SLIT2: variants seen among roughly 807,000 people sequenced by gnomAD.
SLIT2 encodes slit homolog 2 protein.
In SLIT2, 41 loss-of-function variants were observed where a neutral mutation model predicts 185.7. The ratio of observed to expected loss-of-function variants is 0.22; its 90% confidence interval spans 0.17 to 0.29. The LOEUF (loss-of-function observed/expected upper bound fraction) is 0.29, where lower values mean the gene tolerates loss of function less well. SLIT2 is among the 10% of genes least tolerant of loss of function. The pLI is 1.00. For missense variants in SLIT2, 1,571 were observed against 1,909.0 expected (o/e 0.82, Z 3.30); for synonymous variants, 693 against 680.2 (o/e 1.02, Z -0.29).
chr4:20,550,950 G>A (rs1411242410), intron 25 of SLIT2, 52 bp downstream of exon 25: 3 of 984,456 alleles, frequency 3.0e-6, no homozygotes, highest in African/African-American at 1.6e-5. Context: ...TTCCTAATGA[G>A]TGACTTGGAA....
intron 4 of SLIT2, among the ~76,000 whole-genome samples, chr4:20,317,448 T>C (rs1718703213): frequency 6.6e-6 from 1 of 152,056 alleles, no homozygotes; most frequent in Non-Finnish European, 1.5e-5. Flanking sequence ...CATTCAATTA[T>C]CTGAAACTTC....
At chr4:20,326,530 T>C (rs1719606075) in intron 4 of SLIT2, among the ~76,000 whole-genome samples, 4 of 151,912 alleles carry the variant, frequency 2.6e-5, no homozygotes, top group African/African-American at 9.7e-5. Flanking sequence ...TTTTTTCTGG[T>C]TCTTGTTGCA....
intron 12 of SLIT2, among the ~76,000 whole-genome samples, chr4:20,521,438 G>A (rs1298515547): frequency 3.9e-5 from 6 of 152,178 alleles, no homozygotes; most frequent in African/African-American, 1.4e-4. Context: ...TTTATTTACT[G>A]TTCCTTGGGC....
chr4:20,458,088 C>CAAAAAAAAAAAAAAAA (rs10672353), intron 4 of SLIT2, among the ~76,000 whole-genome samples: 1 of 112,918 alleles, frequency 8.9e-6, no homozygotes, highest in Non-Finnish European at 1.9e-5. Flanking sequence ...ACACATTATG[C>CAAAAAAAAAAAAAAAA]AAAAAAAAAA....
intron 4 of SLIT2, among the ~76,000 whole-genome samples, chr4:20,418,690 G>C (rs1027332766): frequency 6.6e-6 from 1 of 152,142 alleles, no homozygotes; most frequent in Non-Finnish European, 1.5e-5. Context: ...AGAAGTAACT[G>C]CATATTAGGA....
At chr4:20,276,728 G>A (rs1714203751) in intron 4 of SLIT2, among the ~76,000 whole-genome samples, 1 of 152,154 alleles carries the variant, frequency 6.6e-6, no homozygotes, top group African/African-American at 2.4e-5. Context: ...GAATAGCTGA[G>A]AACAGCACAG....
chr4:20,421,212 A>C (rs1357357429), intron 4 of SLIT2, among the ~76,000 whole-genome samples: 2 of 152,168 alleles, frequency 1.3e-5, no homozygotes, highest in Non-Finnish European at 2.9e-5. Context: ...TTATTGAAAA[A>C]TATGTATCAG....
At chr4:20,376,490 T>A (rs571836595) in intron 4 of SLIT2, among the ~76,000 whole-genome samples, 1 of 152,172 alleles carries the variant, frequency 6.6e-6, no homozygotes, top group African/African-American at 2.4e-5. Flanking sequence ...AAATTCAACT[T>A]GACTTTTAAT....
rs534304105 is a variant in SLIT2, at chr4:20,322,837, G to A, written c.395+53956G>A. Among the ~76,000 whole-genome samples, 402 of 152,218 alleles carry A rather than the reference G, an allele frequency of 2.6e-3. 2 individuals carry two copies. Among genetic ancestry groups the A allele is most frequent in the African/African-American group, 9.3e-3 (386 of 41,546 alleles). On this transcript the variant is annotated intron_variant, in intron 4 of 36. Coordinates refer to ENST00000504154, the MANE Select transcript of SLIT2 (RefSeq NM_004787.4). The stretch of plus-strand genomic sequence containing the variant: ...CAGGACTACAGAGACTAATGGTATT[G>A]AACACTCTGGGCTCTTTATTACTCC...
intron 33 of SLIT2, among the ~76,000 whole-genome samples, chr4:20,607,273 G>A (rs750389495): frequency 1.2e-4 from 18 of 152,174 alleles, no homozygotes; most frequent in Non-Finnish European, 2.5e-4. Context: ...TATCCTTGAC[G>A]ATACTGCCAC....
intron 4 of SLIT2, among the ~76,000 whole-genome samples, chr4:20,297,185 A>G (rs1033171076): frequency 6.6e-6 from 1 of 152,204 alleles, no homozygotes. Context: ...CTTTAATAAA[A>G]TATTTTAAAA....
chr4:20,321,715 C>T (rs963937393), intron 4 of SLIT2, among the ~76,000 whole-genome samples: 11 of 152,192 alleles, frequency 7.2e-5, no homozygotes, highest in African/African-American at 1.2e-4. Flanking sequence ...TGCCACTTTA[C>T]GTTAGACCTT....
At chr4:20,437,914 C>CAAAAAAA (rs1224604666) in intron 4 of SLIT2, among the ~76,000 whole-genome samples, 1 of 65,612 alleles carries the variant, frequency 1.5e-5, no homozygotes, top group Non-Finnish European at 2.8e-5. Context: ...GACTCCGTCT[C>CAAAAAAA]AAAAAAAAAA....
At chr4:20,612,395 C>A (rs1729291897) in intron 34 of SLIT2, among the ~76,000 whole-genome samples, 1 of 151,220 alleles carries the variant, frequency 6.6e-6, no homozygotes, top group South Asian at 2.1e-4. Context: ...TGGAAAAATT[C>A]AAACAACACC....
In SLIT2 at chr4:20,554,863, C is replaced by T. The variant is rs180936604; in HGVS notation, c.2725+895C>T. On this transcript the variant is annotated intron_variant, in intron 26 of 36. Coordinates refer to ENST00000504154, the MANE Select transcript of SLIT2 (RefSeq NM_004787.4). ...ACTGCAACCTCCACCTCCCGGGTCC[C>T]GGCTCAAGCAATTCTCCTGCCTCAG... is the stretch of plus-strand genomic sequence containing the variant. Among the ~76,000 whole-genome samples, 605 of 151,878 alleles carry T rather than the reference C, an allele frequency of 4.0e-3. 9 individuals are homozygous for T. The highest frequency in any genetic ancestry group is 0.014 in the African/African-American group (563 of 41,466).
intron 11 of SLIT2, among the ~76,000 whole-genome samples, chr4:20,515,099 C>T (rs1387158051): frequency 2.6e-5 from 4 of 152,088 alleles, no homozygotes; most frequent in Non-Finnish European, 5.9e-5. Flanking sequence ...AGCATATGAC[C>T]TTTAGGACAC....
At chr4:20,577,570 T>G (rs1726180114) in intron 29 of SLIT2, among the ~76,000 whole-genome samples, 1 of 152,180 alleles carries the variant, frequency 6.6e-6, no homozygotes, top group African/African-American at 2.4e-5. Context: ...GATTATAACC[T>G]TGAGTATGTA....
At chr4:20,576,269 A>G (rs973795773) in intron 29 of SLIT2, among the ~76,000 whole-genome samples, 12 of 152,200 alleles carry the variant, frequency 7.9e-5, no homozygotes, top group African/African-American at 2.9e-4. Flanking sequence ...TAAATTATGT[A>G]TAGAATGGAA....
At chr4:20,490,351 G>A (rs76221076) in intron 8 of SLIT2, among the ~76,000 whole-genome samples, 1,642 of 152,096 alleles carry the variant, frequency 0.011, 21 homozygotes, top group African/African-American at 0.025. Context: ...GATCTCAATA[G>A]AAGTGGTTTG....
Sources: gnomAD v4.1 joint callset for allele counts (sites outside exome capture counted in the v4.1 genomes callset) on GRCh38, gnomAD v4.1.1 for gene constraint, MANE v1.5 for transcripts, NCBI Gene and HGNC (gene_info 2026-07-23, HGNC 2026-07-21) for gene names.